Variants in SHISA9 observed in about 807,000 individuals in gnomAD.
SHISA9 encodes the protein protein shisa-9.
In SHISA9, 13 loss-of-function variants were observed where a neutral mutation model predicts 38.0. That is an observed-to-expected ratio of 0.34 (90% confidence interval 0.22 to 0.54). The LOEUF (loss-of-function observed/expected upper bound fraction) is 0.54, where lower values mean the gene tolerates loss of function less well. Among genes scored for constraint, SHISA9 ranks in the 20% least tolerant of loss-of-function variants. The pLI, the probability that SHISA9 is intolerant of heterozygous loss-of-function variation, is 0.91. For synonymous variants in SHISA9, 275 were observed against 242.0 expected, an observed-to-expected ratio of 1.14 and a Z score of -1.27; for missense variants, 538 against 575.8, an observed-to-expected ratio of 0.93 and a Z score of 0.67.
At chr16:12,925,495 C>A (rs2071382919) in intron 2 of SHISA9, among the ~76,000 whole-genome samples, 1 of 134,992 alleles carries the variant, frequency 7.4e-6, no homozygotes, top group East Asian at 2.0e-4. Flanking sequence ...GAAAGACAAC[C>A]CTTAAAGGGA....
the SHISA9 span, among the ~76,000 whole-genome samples, chr16:13,543,540 G>C: frequency 6.6e-6 from 1 of 152,154 alleles, no homozygotes; most frequent in African/African-American, 2.4e-5. Flanking sequence ...TTTGACCCCA[G>C]AGTCCTTGAT....
chr16:13,386,144 A>T, the SHISA9 span, among the ~76,000 whole-genome samples: 4 of 152,206 alleles, frequency 2.6e-5, no homozygotes, highest in Non-Finnish European at 5.9e-5. Context: ...TACAAGTAAA[A>T]TGGGAAATCT....
At chr16:13,081,109 C>A (rs2073643737) in intron 2 of SHISA9, among the ~76,000 whole-genome samples, 1 of 152,234 alleles carries the variant, frequency 6.6e-6, no homozygotes, top group South Asian at 2.1e-4. Flanking sequence ...ACATTCAAAT[C>A]ATAGCCCTAA....
intron 2 of SHISA9, among the ~76,000 whole-genome samples, chr16:12,918,493 C>T (rs571193110): frequency 6.6e-6 from 1 of 152,310 alleles, no homozygotes; most frequent in Non-Finnish European, 1.5e-5. Context: ...ATTGAAGTCA[C>T]CTAAGTTTCA....
chr16:13,400,126 A>G, the SHISA9 span, among the ~76,000 whole-genome samples: 1 of 152,164 alleles, frequency 6.6e-6, no homozygotes, highest in Non-Finnish European at 1.5e-5. Flanking sequence ...GCAGGTTAGA[A>G]ATACTGGAGA....
the SHISA9 span, among the ~76,000 whole-genome samples, chr16:13,460,104 T>C: frequency 2.0e-5 from 3 of 152,078 alleles, no homozygotes; most frequent in African/African-American, 7.2e-5. Flanking sequence ...CCTAAACATA[T>C]CCATTTGCAT....
intron 2 of SHISA9, among the ~76,000 whole-genome samples, chr16:13,151,548 C>G (rs918736409): frequency 6.6e-6 from 1 of 152,146 alleles, no homozygotes; most frequent in Non-Finnish European, 1.5e-5. Flanking sequence ...ATCTTATCCA[C>G]CCAGACATGT....
At chr16:13,516,084 G>A in the SHISA9 span, among the ~76,000 whole-genome samples, 1 of 152,156 alleles carries the variant, frequency 6.6e-6, no homozygotes, top group African/African-American at 2.4e-5. Context: ...ACCTTTCAAA[G>A]TTCTGCATGT....
chr16:13,370,009 G>C, the SHISA9 span, among the ~76,000 whole-genome samples: 1 of 152,000 alleles, frequency 6.6e-6, no homozygotes, highest in Non-Finnish European at 1.5e-5. Context: ...TCCACTCATT[G>C]GTTGATACAA....
chr16:13,148,983 T>A (rs2050473556), intron 2 of SHISA9, among the ~76,000 whole-genome samples: 1 of 152,142 alleles, frequency 6.6e-6, no homozygotes, highest in Non-Finnish European at 1.5e-5. Context: ...CAGTGCCTTC[T>A]CTACCCTCAG....
intron 2 of SHISA9, among the ~76,000 whole-genome samples, chr16:13,082,058 T>A: frequency 6.6e-6 from 1 of 152,146 alleles, no homozygotes; most frequent in East Asian, 1.9e-4. Flanking sequence ...ATTAAGTAAC[T>A]GCTAAGGCAA....
the SHISA9 span, among the ~76,000 whole-genome samples, chr16:13,479,946 G>A: frequency 6.6e-6 from 1 of 152,178 alleles, no homozygotes; most frequent in Non-Finnish European, 1.5e-5. Flanking sequence ...TTAGGAGGCG[G>A]ACTGACCTGA....
chr16:12,989,659 A>C (rs777053994), intron 2 of SHISA9, among the ~76,000 whole-genome samples: 2 of 152,052 alleles, frequency 1.3e-5, no homozygotes, highest in Non-Finnish European at 2.9e-5. Context: ...GCTTTTTGTC[A>C]CATACCATTT....
chr16:13,172,612 C>T (rs147048252), intron 2 of SHISA9, among the ~76,000 whole-genome samples: 15 of 152,224 alleles, frequency 9.9e-5, no homozygotes, highest in Admixed American at 5.2e-4. Context: ...CCATCACCTT[C>T]GTGCTGGCAA....
chr16:13,336,387 T>C, the SHISA9 span, among the ~76,000 whole-genome samples: 1 of 152,244 alleles, frequency 6.6e-6, no homozygotes, highest in Non-Finnish European at 1.5e-5. Context: ...CCTTGTTCAG[T>C]GCACTGCAAT....
chr16:13,345,703 T>A, the SHISA9 span, among the ~76,000 whole-genome samples: 1 of 151,614 alleles, frequency 6.6e-6, no homozygotes, highest in African/African-American at 2.4e-5. Flanking sequence ...CTGAACTAAT[T>A]TACATTCCCA....
At chr16:13,306,185 C>G in the SHISA9 span, among the ~76,000 whole-genome samples, 1 of 152,114 alleles carries the variant, frequency 6.6e-6, no homozygotes, top group African/African-American at 2.4e-5. Context: ...GGAAGCAAGA[C>G]CAATTGAGAT....
At chr16:13,527,136 T>C in the SHISA9 span, among the ~76,000 whole-genome samples, 4 of 152,182 alleles carry the variant, frequency 2.6e-5, no homozygotes, top group Non-Finnish European at 4.4e-5. Context: ...TATAAAGTGT[T>C]TACTTCAACA....
At chr16:12,924,516 T>G (rs75714944) in intron 2 of SHISA9, among the ~76,000 whole-genome samples, 6,824 of 152,288 alleles carry the variant, frequency 0.045, 218 homozygotes, top group East Asian at 0.11. Flanking sequence ...TGAAACTTAG[T>G]TCTTTTTCAT....
Sources: gnomAD v4.1 joint callset for allele counts (sites outside exome capture counted in the v4.1 genomes callset) on GRCh38, gnomAD v4.1.1 for gene constraint, MANE v1.5 for transcripts, NCBI Gene and HGNC (gene_info 2026-07-23, HGNC 2026-07-21) for gene names.